Variants in AMOTL1 observed in about 807,000 individuals in gnomAD.
The protein encoded by AMOTL1 is angiomotin like 1, also known as angiomotin-like protein 1.
In AMOTL1, 45 loss-of-function variants were observed where a neutral mutation model predicts 102.9. That is an observed-to-expected ratio of 0.44 (90% CI 0.34 to 0.56). The LOEUF (loss-of-function observed/expected upper bound fraction) is 0.56, where lower values mean the gene tolerates loss of function less well. AMOTL1 is among the 20% of genes least tolerant of loss of function. The pLI is 0.01. For synonymous variants in AMOTL1, 481 were observed against 484.7 expected (o/e 0.99, Z 0.10); for missense variants, 1,114 against 1,225.6 (o/e 0.91, Z 1.36).
chr11:94,717,762 A>G (rs976266245), intron 1 of AMOTL1, among the ~76,000 whole-genome samples: 6 of 151,930 alleles, frequency 3.9e-5, no homozygotes, highest in African/African-American at 1.4e-4. Flanking sequence ...TCAGAATACA[A>G]CAATAAATAG....
chr11:94,708,081 C>T (rs1322145561), intron 1 of AMOTL1, among the ~76,000 whole-genome samples: 1 of 152,166 alleles, frequency 6.6e-6, no homozygotes, highest in African/African-American at 2.4e-5. Flanking sequence ...TTACATCTCT[C>T]TACCCCACCA....
At position 94,819,403 on chromosome 11, in the gene AMOTL1, T is replaced by C. The variant is rs142952099; in HGVS notation, c.1122-2127T>C. ...CACAACACAAAGTCATCCCTCTGCT[T>C]ACCTGAGACAAATGCATATGTGATT... On this transcript the variant is annotated intron_variant, in intron 3 of 12. Coordinates refer to ENST00000433060, the MANE Select transcript of AMOTL1 (RefSeq NM_130847.3). 4.2e-3 allele frequency among the ~76,000 whole-genome samples: 633 copies of C among 152,322 alleles called. 12 individuals carry two copies. Among genetic ancestry groups the C allele is most frequent in the South Asian group, 0.035 (168 of 4,828 alleles).
intron 3 of AMOTL1, among the ~76,000 whole-genome samples, chr11:94,741,201 C>CGTGCGTGTGTGTGTGTGTGCGTGCGT (rs1165196548): frequency 1.1e-4 from 17 of 151,310 alleles, no homozygotes; most frequent in African/African-American, 3.6e-4. Context: ...TCCAATGAGC[C>CGTGCGTGTGTGTGTGTGTGCGTGCGT]GTGCGTGTGT....
At chr11:94,824,049 A>G (rs1951918642) in intron 4 of AMOTL1, among the ~76,000 whole-genome samples, 1 of 152,134 alleles carries the variant, frequency 6.6e-6, no homozygotes, top group Admixed American at 6.5e-5. Context: ...TTTGATGCAC[A>G]TTTCCATTTT....
chr11:94,751,617 G>A (rs1163837121), intron 3 of AMOTL1, among the ~76,000 whole-genome samples: 1 of 151,746 alleles, frequency 6.6e-6, no homozygotes, highest in Non-Finnish European at 1.5e-5. Context: ...TTTATTTCAG[G>A]GTATTCTAGT....
At chr11:94,862,077 C>G (rs1952785755) in intron 9 of AMOTL1, among the ~76,000 whole-genome samples, 1 of 152,098 alleles carries the variant, frequency 6.6e-6, no homozygotes, top group African/African-American at 2.4e-5. Context: ...TATTTGGAGT[C>G]TTGGATGGGC....
At chr11:94,759,172 A>T (rs1266621474) in intron 3 of AMOTL1, among the ~76,000 whole-genome samples, 3 of 151,548 alleles carry the variant, frequency 2.0e-5, no homozygotes, top group East Asian at 3.9e-4. Flanking sequence ...TAGCATTCAT[A>T]ATTTTTTTTT....
At position 94,826,240 on chromosome 11, in the gene AMOTL1, C is replaced by T. The variant is rs184448040; in HGVS notation, c.1414-3810C>T. 1.2e-3 allele frequency among the ~76,000 whole-genome samples: 185 copies of T among 152,254 alleles called. 1 individual carries two copies. The highest frequency in any genetic ancestry group is 4.3e-3 in the African/African-American group (177 of 41,540). The stretch of plus-strand genomic sequence containing the variant: ...TCCAGGAGGTGGAGTTTGCAGTGAG[C>T]CAAGATTGTGTCACTGCACTCCAGC... On this transcript the variant is annotated intron_variant, in intron 4 of 12. Coordinates refer to ENST00000433060, the MANE Select transcript of AMOTL1 (RefSeq NM_130847.3).
chr11:94,738,259 CTT>C (rs10598219), intron 2 of AMOTL1, among the ~76,000 whole-genome samples: 109,959 of 139,094 alleles, frequency 0.79, 44,019 homozygotes, highest in Middle Eastern at 0.9. Flanking sequence ...TAATTTTGTG[CTT>C]TTTTTTTTTT....
rs1250421362 is a variant in AMOTL1, at chr11:94,830,065, C to G, written c.1429C>G (p.Gln477Glu). ...TTTCTTTTAGTTTGAAAAAGAACTT[C>G]AGAGAATTTCGGAAGCCTATGAAAG... is the stretch of plus-strand genomic sequence containing the variant. The part of the protein sequence containing the change: ...DKLHKFEKEL[Q>E]RISEAYESLV... The change falls in exon 5 of 13, where the codon CAG becomes GAG. Residue 477 changes from glutamine (Q) to glutamate (E), a missense_variant. Coordinates refer to ENST00000433060, the MANE Select transcript of AMOTL1 (RefSeq NM_130847.3). 6.9e-6 allele frequency: 11 copies of G among 1,598,878 alleles called. No individual in the cohort carries two copies. Among genetic ancestry groups the G allele is most frequent in the Non-Finnish European group, 8.5e-6 (10 of 1,174,222 alleles).
chr11:94,848,152 AG>A (rs1952456673), intron 6 of AMOTL1, among the ~76,000 whole-genome samples: 1 of 152,256 alleles, frequency 6.6e-6, no homozygotes, highest in African/African-American at 2.4e-5. Flanking sequence ...AGAAAGAGTG[AG>A]GTGCTTTGAT....
rs752243928 is a variant in AMOTL1 at position 94,870,818 on chromosome 11, G to A, written c.*23G>A. 2.0e-5 allele frequency: 31 copies of A among 1,555,478 alleles called. No homozygotes were observed. Among genetic ancestry groups the A allele is most frequent in the South Asian group, 1.1e-4 (9 of 84,918 alleles). On this transcript the variant is annotated 3_prime_UTR_variant, in exon 13 of 13. Transcript: ENST00000433060. Reference sequence around the variant, plus strand: ...TAACTGCCATCCCTGTGGAATTTCAGTACAGAACACTGACAAACAAGGAAA... The same window carrying A: ...TAACTGCCATCCCTGTGGAATTTCAATACAGAACACTGACAAACAAGGAAA...
Position 94,810,866 on chromosome 11 carries a change from A to G in AMOTL1, c.1121+10555A>G, listed in dbSNP as rs567804293. Among the ~76,000 whole-genome samples the G allele has an allele frequency of 1.3e-3, 179 of 137,592 alleles. 1 individual carries two copies. Among genetic ancestry groups the G allele is most frequent in the African/African-American group, 4.6e-3 (172 of 37,070 alleles). The allele number at this position is 137,592 out of a possible 152,430, so 90.3% of individuals were successfully genotyped here. A position where few individuals can be genotyped will look rare whatever the true frequency, so the allele number is the denominator to read the frequency against. ...CACACACACACACACACACACACAC[A>G]CACGCGTACACACACATATCTTGGA... On this transcript the variant is annotated intron_variant, in intron 3 of 12. Transcript: ENST00000433060.
At chr11:94,851,932 C>T (rs967581085) in intron 7 of AMOTL1, among the ~76,000 whole-genome samples, 2 of 152,204 alleles carry the variant, frequency 1.3e-5, no homozygotes, top group African/African-American at 4.8e-5. Context: ...ATTCATTTAA[C>T]AAATACTTAT....
intron 9 of AMOTL1, among the ~76,000 whole-genome samples, chr11:94,862,999 A>T (rs1952803692): frequency 6.6e-6 from 1 of 152,156 alleles, no homozygotes; most frequent in African/African-American, 2.4e-5. Flanking sequence ...AACTTGCAGG[A>T]GTATAGAGCG....
At chr11:94,826,572 A>G (rs1479358179) in intron 4 of AMOTL1, among the ~76,000 whole-genome samples, 2 of 152,222 alleles carry the variant, frequency 1.3e-5, no homozygotes, top group Admixed American at 6.5e-5. Context: ...ATAAAGAGGC[A>G]AAACGTGAAG....
exon 3 of AMOTL1, chr11:94,740,988 G>A (rs1221880258): frequency 7.8e-7 from 1 of 1,288,916 alleles, no homozygotes; most frequent in East Asian, 5.6e-5. Flanking sequence ...AGACGAGTTA[G>A]GTAAGTCTGC....
At chr11:94,747,086 T>G (rs1950597982) in intron 3 of AMOTL1, among the ~76,000 whole-genome samples, 1 of 152,108 alleles carries the variant, frequency 6.6e-6, no homozygotes, top group South Asian at 2.1e-4. Context: ...CCAGCTTATT[T>G]TTTATCTTTC....
intron 3 of AMOTL1, among the ~76,000 whole-genome samples, chr11:94,818,994 T>TTTTG (rs113890860): frequency 0.25 from 37,573 of 151,786 alleles, 5,217 homozygotes; most frequent in East Asian, 0.46. Flanking sequence ...TCTTCATCTT[T>TTTTG]TTTGTTTGTT....
Sources: gnomAD v4.1 joint callset for allele counts (sites outside exome capture counted in the v4.1 genomes callset) on GRCh38, gnomAD v4.1.1 for gene constraint, MANE v1.5 for transcripts, NCBI Gene and HGNC (gene_info 2026-07-23, HGNC 2026-07-21) for gene names.